RAI2: variants seen among roughly 807,000 people sequenced by gnomAD.
RAI2 encodes retinoic acid induced 2.
A neutral mutation model predicts 15.3 loss-of-function variants in RAI2; 5 were observed. That is an observed-to-expected ratio of 0.33 (90% CI 0.17 to 0.69). RAI2 has a LOEUF of 0.69. Ranked by LOEUF, RAI2 falls within the 30% of genes least tolerant of loss-of-function variation. The pLI, the probability that RAI2 is intolerant of heterozygous loss-of-function variation, is 0.69. For synonymous variants in RAI2, 191 were observed against 184.0 expected (o/e 1.04, Z -0.31); for missense variants, 424 against 424.7 (o/e 1.00, Z 0.01).
chrX:17,801,346 G>A lies in RAI2; in HGVS notation c.665C>T (p.Ser222Phe), dbSNP rs1257497820. 8.7e-7 allele frequency: 1 copy of A among 1,152,359 alleles called. No homozygotes were observed. Among genetic ancestry groups the A allele is most frequent in the Non-Finnish European group, 1.2e-6 (1 of 866,769 alleles). The allele number at this position is 1,152,359 out of a possible 1,213,427, so 95.0% of individuals were successfully genotyped here. The change falls in exon 2 of 2, where the codon TCC (serine) becomes TTC (phenylalanine). Residue 222 changes from serine to phenylalanine, a missense_variant. Physicochemically the swap from Ser to Phe is radical, Grantham distance 155. Transcript: ENST00000451717. The part of the protein sequence containing the change: ...VPPQPFSSPL[S>F]PLVPPATLLV... ...GAGGGTGGCTGGTGGGACCAGGGGGGACAAGGGGGAGCTAAAAGGCTGTGG... is the reference window on the plus strand; with the variant it reads ...GAGGGTGGCTGGTGGGACCAGGGGGAACAAGGGGGAGCTAAAAGGCTGTGG...
intron 1 of RAI2, among the ~76,000 whole-genome samples, chrX:17,808,161 A>G (rs1365530464): frequency 2.7e-5 from 3 of 111,409 alleles, no homozygotes; most frequent in South Asian, 3.8e-4. Flanking sequence ...TCTTCTTCCA[A>G]TGTGGCCCAG....
At chrX:17,818,707 A>G (rs956626345) in intron 1 of RAI2, among the ~76,000 whole-genome samples, 3 of 112,727 alleles carry the variant, frequency 2.7e-5, no homozygotes, top group African/African-American at 9.7e-5. Flanking sequence ...ATGGCTCCCA[A>G]TGGTTCTGAT....
intron 1 of RAI2, among the ~76,000 whole-genome samples, chrX:17,816,614 T>C (rs1349901408): frequency 3.6e-5 from 4 of 112,192 alleles, no homozygotes; most frequent in African/African-American, 6.5e-5. Context: ...TATTGGCCCA[T>C]GAAGGACACA....
chrX:17,824,095 T>C (rs1019875964), intron 1 of RAI2, among the ~76,000 whole-genome samples: 3 of 112,673 alleles, frequency 2.7e-5, no homozygotes, highest in Non-Finnish European at 3.8e-5. Context: ...AACGAATGAA[T>C]GAACGAACGA....
intron 1 of RAI2, among the ~76,000 whole-genome samples, chrX:17,834,738 G>A: frequency 9.0e-6 from 1 of 111,323 alleles, no homozygotes; most frequent in East Asian, 2.8e-4. Flanking sequence ...GAGGAAAAAG[G>A]AGGTTGAGGA....
chrX:17,818,674 G>A (rs1023409195), intron 1 of RAI2, among the ~76,000 whole-genome samples: 1 of 112,884 alleles, frequency 8.9e-6, no homozygotes, highest in Admixed American at 9.3e-5. Context: ...ATCCAGGAAA[G>A]CCCATAGCTG....
intron 1 of RAI2, among the ~76,000 whole-genome samples, chrX:17,849,510 T>C (rs1020814493): frequency 4.4e-5 from 5 of 112,648 alleles, no homozygotes; most frequent in Non-Finnish European, 7.5e-5. Flanking sequence ...CATATGGTTG[T>C]TATGGAGCTG....
intron 1 of RAI2, among the ~76,000 whole-genome samples, chrX:17,811,242 G>A (rs2067046541): frequency 8.9e-6 from 1 of 112,446 alleles, no homozygotes; most frequent in Admixed American, 9.4e-5. Context: ...GCTGGTGGTG[G>A]TAGGGAACAC....
In RAI2 at chrX:17,856,310, A is replaced by T. The variant is rs1006598331; in HGVS notation, c.-25+4788T>A. On this transcript the variant is annotated intron_variant, in intron 1 of 1. Transcript: ENST00000451717. ...TCCTGTGTTGAAATCCTAATCCCCA[A>T]CGTGATGGTATTAAGAGGTGGGGCA... is the stretch of plus-strand genomic sequence containing the variant. Among the ~76,000 whole-genome samples, 3 of 111,721 alleles carry T rather than the reference A, an allele frequency of 2.7e-5. No individual in the cohort carries two copies. In the Admixed American group the frequency reaches 2.8e-4, roughly 11 times the overall value.
Position 17,800,910 on chromosome X carries a change from C to A in RAI2, c.1101G>T (p.Val367=), listed in dbSNP as rs2066899130. The A allele has an allele frequency of 8.3e-7, 1 of 1,208,988 alleles. No individual in the cohort carries two copies. The highest frequency in any genetic ancestry group is 1.8e-5 in the South Asian group (1 of 56,689). The change falls in exon 2 of 2, where the codon GTG becomes GTT. Residue 367 remains valine (V), a synonymous_variant. Transcript: ENST00000451717. ...CCATCACTGTGTGACCTGAGCTGTCCACTGATGCACCACTGTCATACAGTG... is the reference window on the plus strand; with the variant it reads ...CCATCACTGTGTGACCTGAGCTGTCAACTGATGCACCACTGTCATACAGTG... ...PETLYDSGAS[V]DSSGHTVMEK...
chrX:17,834,309 G>A (rs191400062), intron 1 of RAI2, among the ~76,000 whole-genome samples: 1 of 111,079 alleles, frequency 9.0e-6, no homozygotes, highest in Non-Finnish European at 1.9e-5. Context: ...CCACTGGCAG[G>A]GTAGCTCTGG....
intron 1 of RAI2, among the ~76,000 whole-genome samples, chrX:17,815,354 CACACACACAG>C (rs1414922871): frequency 9.5e-5 from 10 of 105,043 alleles, no homozygotes; most frequent in African/African-American, 3.4e-4. Flanking sequence ...CACACACACA[CACACACACAG>C]AGTGGCCAAG....
chrX:17,806,744 T>C (rs2066985504), intron 1 of RAI2, among the ~76,000 whole-genome samples: 1 of 111,239 alleles, frequency 9.0e-6, no homozygotes, highest in Non-Finnish European at 1.9e-5. Context: ...GAAAAGAGGT[T>C]TAATTGGCTC....
chrX:17,827,867 G>A (rs918783091), intron 1 of RAI2, among the ~76,000 whole-genome samples: 1 of 111,342 alleles, frequency 9.0e-6, no homozygotes, highest in Admixed American at 9.4e-5. Context: ...GTTGAAGCTT[G>A]GGGGTCCATT....
chrX:17,823,876 G>A (rs1278235615), intron 1 of RAI2, among the ~76,000 whole-genome samples: 2 of 111,290 alleles, frequency 1.8e-5, no homozygotes, highest in Admixed American at 9.6e-5. Context: ...CTGGATCCCC[G>A]TTCACCACTA....
chrX:17,806,092 G>A (rs773405983), intron 1 of RAI2, among the ~76,000 whole-genome samples: 6 of 111,678 alleles, frequency 5.4e-5, no homozygotes, highest in East Asian at 5.7e-4. Flanking sequence ...AAGCCTCGGC[G>A]ATGCCCTAAG....
intron 1 of RAI2, among the ~76,000 whole-genome samples, chrX:17,818,607 G>A (rs1286126157): frequency 8.9e-6 from 1 of 111,986 alleles, no homozygotes; most frequent in African/African-American, 3.2e-5. Context: ...CAAGATATAC[G>A]GATTGGCTGA....
Position 17,800,929 on chromosome X carries a change from T to C in RAI2, c.1082A>G (p.Tyr361Cys). The C allele has an allele frequency of 2.5e-6, 3 of 1,210,589 alleles. No homozygotes were observed. Among genetic ancestry groups the C allele is most frequent in the East Asian group, 3.0e-5 (1 of 33,802 alleles). Residue 361 changes from tyrosine (Y) to cysteine (C), a missense_variant, in exon 2 of 2, where the codon TAT (tyrosine) becomes TGT (cysteine). Coordinates refer to ENST00000451717, the MANE Select transcript of RAI2 (RefSeq NM_021785.6). ...RKSEPPPETL[Y>C]DSGASVDSSG... Reference sequence around the variant, plus strand: ...GCTGTCCACTGATGCACCACTGTCATACAGTGTCTCAGGGGGAGGCTCGGA... The same window carrying C: ...GCTGTCCACTGATGCACCACTGTCACACAGTGTCTCAGGGGGAGGCTCGGA...
chrX:17,840,888 G>A (rs1355591476), intron 1 of RAI2, among the ~76,000 whole-genome samples: 1 of 112,060 alleles, frequency 8.9e-6, no homozygotes, highest in African/African-American at 3.2e-5. Context: ...CTGCAAGAGA[G>A]ACTGGGAAAT....
Sources: allele counts gnomAD v4.1 joint callset (sites outside exome capture counted in the v4.1 genomes callset), GRCh38; gene constraint gnomAD v4.1.1; transcripts MANE v1.5; gene names NCBI Gene and HGNC (gene_info 2026-07-23, HGNC 2026-07-21).